Variants in SEZ6L observed in about 807,000 individuals in gnomAD.
SEZ6L encodes seizure related 6 homolog like.
Under a neutral mutation model 106.2 loss-of-function variants are expected in SEZ6L, and 37 were observed. That is an observed-to-expected ratio of 0.35 (90% CI 0.27 to 0.46). SEZ6L has a LOEUF of 0.46. SEZ6L is among the 20% of genes least tolerant of loss of function. The pLI is 1.00. For synonymous variants in SEZ6L, 541 were observed against 570.4 expected (o/e 0.95, Z 0.73); for missense variants, 1,172 against 1,332.8 (o/e 0.88, Z 1.88).
At chr22:26,283,281 G>A (rs1028841724) in intron 1 of SEZ6L, among the ~76,000 whole-genome samples, 5 of 152,106 alleles carry the variant, frequency 3.3e-5, no homozygotes, top group Non-Finnish European at 5.9e-5. Flanking sequence ...CCAAAGATGC[G>A]TATTAATTGC....
At chr22:26,238,742 G>A (rs116102197) in intron 1 of SEZ6L, among the ~76,000 whole-genome samples, 1,769 of 152,302 alleles carry the variant, frequency 0.012, 31 homozygotes, top group African/African-American at 0.04. Flanking sequence ...AGATGGAAAA[G>A]CTGAGGCATG....
chr22:26,172,318 G>C (rs1206421459), intron 1 of SEZ6L, among the ~76,000 whole-genome samples: 3 of 152,086 alleles, frequency 2.0e-5, no homozygotes, highest in African/African-American at 7.2e-5. Flanking sequence ...AGTTTTGCCC[G>C]TTCCTGCCAG....
At position 26,359,475 on chromosome 22, in the gene SEZ6L, G is replaced by A. The variant is rs896509132; in HGVS notation, c.2600-5897G>A. ...GTGACCTTTAACACGTTACCCAACC[G>A]TTCTGCGCTGCATTCTCCTTGGATA... On this transcript the variant is annotated intron_variant, in intron 12 of 16. Coordinates refer to ENST00000248933, the MANE Select transcript of SEZ6L (RefSeq NM_021115.5). 3.9e-5 allele frequency among the ~76,000 whole-genome samples: 6 copies of A among 152,216 alleles called. No homozygotes were observed. In the East Asian group the frequency reaches 5.8e-4, roughly 15 times the overall value.
At chr22:26,258,628 T>C (rs2079902072) in intron 1 of SEZ6L, among the ~76,000 whole-genome samples, 1 of 152,228 alleles carries the variant, frequency 6.6e-6, no homozygotes, top group African/African-American at 2.4e-5. Context: ...TACATACAGC[T>C]AGCAAATTGC....
At chr22:26,233,371 G>T (rs564922922) in intron 1 of SEZ6L, among the ~76,000 whole-genome samples, 1 of 152,160 alleles carries the variant, frequency 6.6e-6, no homozygotes, top group Admixed American at 6.5e-5. Flanking sequence ...CCAGGATTGC[G>T]GGCTGAGGAC....
chr22:26,238,848 G>C (rs747602121), intron 1 of SEZ6L, among the ~76,000 whole-genome samples: 1 of 152,174 alleles, frequency 6.6e-6, no homozygotes, highest in Non-Finnish European at 1.5e-5. Flanking sequence ...GGTCACACTA[G>C]GCTGCTCTGC....
intron 4 of SEZ6L, 51 bp downstream of exon 4, chr22:26,297,131 T>G (rs2081326548): frequency 1.4e-6 from 2 of 1,451,448 alleles, no homozygotes; most frequent in African/African-American, 2.9e-5. Flanking sequence ...TCAGTTTCCC[T>G]CTGGAGAAAA....
At chr22:26,265,239 A>C (rs1341605212) in intron 1 of SEZ6L, among the ~76,000 whole-genome samples, 2 of 152,136 alleles carry the variant, frequency 1.3e-5, no homozygotes, top group Non-Finnish European at 2.9e-5. Flanking sequence ...CTCCCTTGTC[A>C]ACCTGAATTG....
rs372141679 is a variant in SEZ6L, at chr22:26,293,387, A to G, written c.835+241A>G. 2.0e-4 allele frequency among the ~76,000 whole-genome samples: 31 copies of G among 152,344 alleles called. No individual in the cohort carries two copies. The South Asian group carries it at 5.8e-3, about 29-fold the overall frequency. The stretch of plus-strand genomic sequence containing the variant: ...GATCTTTCGCCCAGGCTGGAGTGCC[A>G]TGGCACGATCATAGCTCACTGCAGC... On this transcript the variant is annotated intron_variant, in intron 2 of 16. Coordinates refer to ENST00000248933, the MANE Select transcript of SEZ6L (RefSeq NM_021115.5).
chr22:26,358,726 G>A (rs374710067), intron 12 of SEZ6L, among the ~76,000 whole-genome samples: 5 of 152,182 alleles, frequency 3.3e-5, no homozygotes, highest in East Asian at 3.9e-4. Context: ...TAAAACATTC[G>A]ACCAGTGGTT....
At position 26,169,664 on chromosome 22, in the gene SEZ6L, GC is replaced by G; in HGVS notation, c.-4del. On this transcript the variant is annotated 5_prime_UTR_variant, in exon 1 of 17. Transcript: ENST00000248933. ...AGCCAGCGGCTCCGCGCCCCCTGCAGCCACGATGCCCGCGGCCCGGCCGCCC... is the reference window on the plus strand; with the variant it reads ...AGCCAGCGGCTCCGCGCCCCCTGCAGCACGATGCCCGCGGCCCGGCCGCCC... 1 of 1,268,626 alleles carries G rather than the reference GC, an allele frequency of 7.9e-7. No homozygotes were observed. The highest frequency in any genetic ancestry group is 1.0e-6 in the Non-Finnish European group (1 of 984,628). The allele number at this position is 1,268,626 out of a possible 1,614,324, so 78.6% of individuals were successfully genotyped here. A position where few individuals can be genotyped will look rare whatever the true frequency, so the allele number is the denominator to read the frequency against.
chr22:26,239,930 C>T (rs1196702503), intron 1 of SEZ6L, among the ~76,000 whole-genome samples: 6 of 151,982 alleles, frequency 3.9e-5, no homozygotes, highest in East Asian at 3.9e-4. Flanking sequence ...CCCCTCCACC[C>T]GCACCTTCAC....
intron 12 of SEZ6L, among the ~76,000 whole-genome samples, chr22:26,353,166 G>C (rs1042137811): frequency 3.3e-5 from 5 of 152,342 alleles, no homozygotes; most frequent in African/African-American, 1.2e-4. Flanking sequence ...CAGAATTTCA[G>C]AGCTGAAGGG....
Position 26,304,177 on chromosome 22 carries a change from C to T in SEZ6L, c.1349-1802C>T, listed in dbSNP as rs563310018. Among the ~76,000 whole-genome samples, 5 of 151,514 alleles carry T rather than the reference C, an allele frequency of 3.3e-5. No individual in the cohort carries two copies. In the South Asian group the frequency reaches 8.3e-4, roughly 25 times the overall value. Reference sequence around the variant, plus strand: ...GACCAGCCTGGCCAAGATGGTGAAACCCCATCTCTACTAAAAATACAAAAA... The same window carrying T: ...GACCAGCCTGGCCAAGATGGTGAAATCCCATCTCTACTAAAAATACAAAAA... On this transcript the variant is annotated intron_variant, in intron 5 of 16. Coordinates refer to ENST00000248933, the MANE Select transcript of SEZ6L (RefSeq NM_021115.5).
chr22:26,211,983 G>T (rs2078174421), intron 1 of SEZ6L, among the ~76,000 whole-genome samples: 2 of 151,896 alleles, frequency 1.3e-5, no homozygotes, highest in South Asian at 4.2e-4. Flanking sequence ...TGCATAACAG[G>T]GATTTCAGCT....
chr22:26,288,796 C>A (rs1309432268), intron 1 of SEZ6L, among the ~76,000 whole-genome samples: 1 of 152,176 alleles, frequency 6.6e-6, no homozygotes, highest in African/African-American at 2.4e-5. Context: ...CTTTTTGTCA[C>A]CTCCTTGTGT....
intron 6 of SEZ6L, among the ~76,000 whole-genome samples, chr22:26,309,632 G>A (rs944178375): frequency 6.6e-6 from 1 of 152,064 alleles, no homozygotes; most frequent in African/African-American, 2.4e-5. Context: ...AAGCTGGAGT[G>A]CAGTGGCTCG....
At chr22:26,349,889 T>C (rs2083215194) in intron 11 of SEZ6L, among the ~76,000 whole-genome samples, 1 of 152,134 alleles carries the variant, frequency 6.6e-6, no homozygotes, top group Admixed American at 6.5e-5. Flanking sequence ...TTTTAATTGG[T>C]TTATTGTTTT....
At chr22:26,230,184 T>A (rs1372798373) in intron 1 of SEZ6L, among the ~76,000 whole-genome samples, 1 of 152,184 alleles carries the variant, frequency 6.6e-6, no homozygotes, top group Non-Finnish European at 1.5e-5. Context: ...AAGCAGAATC[T>A]GCTGTTTCAT....
Sources: gnomAD v4.1 joint callset for allele counts (sites outside exome capture counted in the v4.1 genomes callset) on GRCh38, gnomAD v4.1.1 for gene constraint, MANE v1.5 for transcripts, NCBI Gene and HGNC (gene_info 2026-07-23, HGNC 2026-07-21) for gene names.